The following TAF3 variants were observed in gnomAD, a reference collection of about 807,000 sequenced individuals.
TAF3 encodes transcription initiation factor TFIID subunit 3.
TAF3 carries 7 observed loss-of-function variants against 80.6 expected under a neutral mutation model. That is an observed-to-expected ratio of 0.09 (90% CI 0.05 to 0.16). The LOEUF is 0.16. Ranked by LOEUF, TAF3 falls within the 10% of genes least tolerant of loss-of-function variation. TAF3 has a pLI of 1.00. For missense variants in TAF3, 921 were observed against 1,140.2 expected (o/e 0.81, Z 2.77); for synonymous variants, 444 against 446.1 (o/e 1.00, Z 0.06).
At position 7,935,946 on chromosome 10, in the gene TAF3, G is replaced by A. The variant is rs149807395; in HGVS notation, c.410-27974G>A. ...GCTCGGGGAAGCCCTGCGTGGAGGA[G>A]TAGAGCACTCTCGAGTCTCATTTGG... On this transcript the variant is annotated intron_variant, in intron 2 of 6. Transcript: ENST00000344293. 1.1e-4 allele frequency among the ~76,000 whole-genome samples: 17 copies of A among 152,308 alleles called. No homozygotes were observed. The East Asian group carries it at 3.1e-3, about 28-fold the overall frequency.
chr10:7,984,046 T>C (rs1007748881), intron 4 of TAF3, among the ~76,000 whole-genome samples: 2 of 152,136 alleles, frequency 1.3e-5, no homozygotes, highest in Non-Finnish European at 2.9e-5. Flanking sequence ...TCTGAACAAC[T>C]GCAACAAAGG....
At chr10:7,888,643 T>C (rs1345147248) in intron 2 of TAF3, among the ~76,000 whole-genome samples, 1 of 152,156 alleles carries the variant, frequency 6.6e-6, no homozygotes, top group Non-Finnish European at 1.5e-5. Context: ...GTAAGTGCCC[T>C]CACCAAATGG....
chr10:7,913,187 G>A (rs1285279006), intron 2 of TAF3, among the ~76,000 whole-genome samples: 1 of 152,174 alleles, frequency 6.6e-6, no homozygotes, highest in Non-Finnish European at 1.5e-5. Context: ...TAACCCTGAT[G>A]AGCTCTTTAA....
chr10:7,981,509 A>G (rs186152429), intron 4 of TAF3, among the ~76,000 whole-genome samples: 1 of 152,370 alleles, frequency 6.6e-6, no homozygotes, highest in East Asian at 1.9e-4. Context: ...TCAGAGAACA[A>G]TATTATTATC....
At chr10:7,977,908 TATC>T (rs2131420382) in intron 4 of TAF3, among the ~76,000 whole-genome samples, 1 of 152,322 alleles carries the variant, frequency 6.6e-6, no homozygotes, top group East Asian at 1.9e-4. Context: ...GGAATCATCA[TATC>T]AACCCACTCG....
rs184557553 is a variant in TAF3, at chr10:7,919,824, G to A, written c.410-44096G>A. ...CCACAGATGTGGAACCCACACATAC[G>A]GAGGGCTGACTGTGTATGCTTAATG... On this transcript the variant is annotated intron_variant, in intron 2 of 6. Coordinates refer to ENST00000344293, the MANE Select transcript of TAF3 (RefSeq NM_031923.4). Among the ~76,000 whole-genome samples the A allele has an allele frequency of 1.5e-4, 23 of 151,860 alleles. No homozygotes were observed. In the East Asian group the frequency reaches 2.9e-3, roughly 19 times the overall value.
intron 2 of TAF3, among the ~76,000 whole-genome samples, chr10:7,933,543 G>C (rs1175633083): frequency 6.6e-6 from 1 of 152,194 alleles, no homozygotes; most frequent in Non-Finnish European, 1.5e-5. Context: ...TGGGTTTCCT[G>C]TCTCTCCTTC....
chr10:7,852,786 TAAAGAGA>T (rs1213615126), intron 2 of TAF3, among the ~76,000 whole-genome samples: 1 of 152,228 alleles, frequency 6.6e-6, no homozygotes, highest in Non-Finnish European at 1.5e-5. Flanking sequence ...AGTGCTTCTA[TAAAGAGA>T]AACTTCCTAT....
intron 2 of TAF3, among the ~76,000 whole-genome samples, chr10:7,941,456 T>C (rs1837975120): frequency 6.6e-6 from 1 of 152,208 alleles, no homozygotes; most frequent in South Asian, 2.1e-4. Context: ...GGAAAGTGTT[T>C]CCAGTGAATG....
intron 4 of TAF3, among the ~76,000 whole-genome samples, chr10:7,995,356 C>T (rs141925782): frequency 2.8e-4 from 43 of 152,326 alleles, no homozygotes; most frequent in Non-Finnish European, 5.1e-4. Flanking sequence ...AAAGTGGAAG[C>T]TGTATAACAA....
In TAF3 at chr10:8,016,164, T is replaced by C. The variant is rs1284259075; in HGVS notation, c.*1413T>C. 4 of 152,316 alleles carry C rather than the reference T, an allele frequency of 2.6e-5. No individual in the cohort carries two copies. The highest frequency in any genetic ancestry group is 2.0e-4 in the Admixed American group (3 of 15,294). The allele number at this position is 152,316 out of a possible 1,614,324, so 9.4% of individuals were successfully genotyped here. Reference sequence around the variant, plus strand: ...GCAACTTTGGGATAAATACGGACTTTTACTTGATTTTGAAATAATCCCAGT... The same window carrying C: ...GCAACTTTGGGATAAATACGGACTTCTACTTGATTTTGAAATAATCCCAGT... On this transcript the variant is annotated 3_prime_UTR_variant, in exon 7 of 7. Coordinates refer to ENST00000344293, the MANE Select transcript of TAF3 (RefSeq NM_031923.4).
chr10:7,986,976 C>G (rs530017288), intron 4 of TAF3, among the ~76,000 whole-genome samples: 1 of 152,248 alleles, frequency 6.6e-6, no homozygotes, highest in East Asian at 1.9e-4. Flanking sequence ...TCACCCTTCC[C>G]CCAGGTTAAT....
intron 2 of TAF3, among the ~76,000 whole-genome samples, chr10:7,879,450 C>G (rs549485322): frequency 6.6e-6 from 1 of 152,148 alleles, no homozygotes; most frequent in Non-Finnish European, 1.5e-5. Context: ...AATAATGACA[C>G]CCACCCTCAT....
At chr10:7,946,399 T>C (rs1291594273) in intron 2 of TAF3, among the ~76,000 whole-genome samples, 3 of 152,186 alleles carry the variant, frequency 2.0e-5, no homozygotes, top group Admixed American at 6.5e-5. Flanking sequence ...GTTTCATTAA[T>C]CAGTATTCAC....
intron 3 of TAF3, among the ~76,000 whole-genome samples, chr10:7,970,973 G>A (rs1831615961): frequency 6.6e-6 from 1 of 152,092 alleles, no homozygotes; most frequent in African/African-American, 2.4e-5. Context: ...ACCCAATAAA[G>A]GGGAGGGAAA....
At chr10:7,896,179 G>A (rs1330118700) in intron 2 of TAF3, among the ~76,000 whole-genome samples, 1 of 152,072 alleles carries the variant, frequency 6.6e-6, no homozygotes, top group Non-Finnish European at 1.5e-5. Flanking sequence ...TGCTAGTAAG[G>A]TAAAAACAAC....
intron 3 of TAF3, among the ~76,000 whole-genome samples, chr10:7,967,151 C>T (rs143219616): frequency 6.6e-6 from 1 of 152,296 alleles, no homozygotes; most frequent in East Asian, 1.9e-4. Flanking sequence ...TAGCAAGAGC[C>T]AGGTCAGTTA....
intron 4 of TAF3, among the ~76,000 whole-genome samples, chr10:7,996,400 C>T (rs929240733): frequency 6.6e-6 from 1 of 152,204 alleles, no homozygotes; most frequent in Non-Finnish European, 1.5e-5. Context: ...TGGTTATTTT[C>T]ACCATGTGCT....
chr10:7,890,600 T>A (rs1244440), intron 2 of TAF3, among the ~76,000 whole-genome samples: 1 of 152,098 alleles, frequency 6.6e-6, no homozygotes, highest in Non-Finnish European at 1.5e-5. Context: ...GTGTTGATTG[T>A]CTGATTAGAA....
Sources: gnomAD v4.1 joint callset for allele counts (sites outside exome capture counted in the v4.1 genomes callset) on GRCh38, gnomAD v4.1.1 for gene constraint, MANE v1.5 for transcripts, NCBI Gene and HGNC (gene_info 2026-07-23, HGNC 2026-07-21) for gene names.